PPARGC1A: variants seen among roughly 807,000 people sequenced by gnomAD.
PPARGC1A encodes PPARG coactivator 1 alpha.
PPARGC1A carries 25 observed loss-of-function variants against 88.7 expected under a neutral mutation model. The observed-to-expected ratio is 0.28, with a 90% CI of 0.21 to 0.39. The LOEUF (loss-of-function observed/expected upper bound fraction) is 0.39. Among genes scored for constraint, PPARGC1A ranks in the 10% least tolerant of loss-of-function variants. The pLI, the probability that PPARGC1A is intolerant of heterozygous loss-of-function variation, is 1.00. For missense variants in PPARGC1A, 880 were observed against 968.7 expected (o/e 0.91, Z 1.22); for synonymous variants, 363 against 355.6 (o/e 1.02, Z -0.24).
At chr4:24,322,544 A>T in the PPARGC1A span, among the ~76,000 whole-genome samples, 2 of 152,156 alleles carry the variant, frequency 1.3e-5, no homozygotes, top group African/African-American at 4.8e-5. Flanking sequence ...TGTGTATGTG[A>T]GTGTGTGTGT....
chr4:24,162,850 T>C, the PPARGC1A span, among the ~76,000 whole-genome samples: 1 of 151,980 alleles, frequency 6.6e-6, no homozygotes, highest in Non-Finnish European at 1.5e-5. Context: ...CAACTCGGCC[T>C]CCCAAAGTGC....
At chr4:24,228,471 A>C in the PPARGC1A span, among the ~76,000 whole-genome samples, 1 of 152,152 alleles carries the variant, frequency 6.6e-6, no homozygotes, top group African/African-American at 2.4e-5. Context: ...AGTTGGCAAC[A>C]ATGGACACTG....
At chr4:23,852,700 T>C (rs776275070) in intron 2 of PPARGC1A, among the ~76,000 whole-genome samples, 3 of 152,210 alleles carry the variant, frequency 2.0e-5, no homozygotes, top group Non-Finnish European at 4.4e-5. Flanking sequence ...GAAATATTGG[T>C]TAAGCACACC....
At chr4:23,879,067 A>C (rs1715383691) in intron 2 of PPARGC1A, among the ~76,000 whole-genome samples, 1 of 152,252 alleles carries the variant, frequency 6.6e-6, no homozygotes. Context: ...TATTGATTGC[A>C]AATTGGAAAT....
chr4:24,221,889 T>C, the PPARGC1A span, among the ~76,000 whole-genome samples: 1 of 152,204 alleles, frequency 6.6e-6, no homozygotes, highest in Non-Finnish European at 1.5e-5. Flanking sequence ...TCACTCAAAG[T>C]TCACCATTCC....
At chr4:23,846,731 C>T (rs1192723718) in intron 2 of PPARGC1A, among the ~76,000 whole-genome samples, 1 of 152,010 alleles carries the variant, frequency 6.6e-6, no homozygotes, top group African/African-American at 2.4e-5. Context: ...AAATTCCTGC[C>T]TTCAAGGAGC....
At chr4:24,466,983 A>G in the PPARGC1A span, among the ~76,000 whole-genome samples, 322 of 80,618 alleles carry the variant, frequency 4.0e-3, 6 homozygotes, top group Middle Eastern at 0.016. Context: ...AGAAAGAAAG[A>G]AAGGAGGGAG....
At chr4:24,330,929 G>T in the PPARGC1A span, among the ~76,000 whole-genome samples, 1 of 151,936 alleles carries the variant, frequency 6.6e-6, no homozygotes, top group Non-Finnish European at 1.5e-5. Context: ...CTTTCCTTCT[G>T]CCCATGTGCC....
intron 10 of PPARGC1A, among the ~76,000 whole-genome samples, chr4:23,804,402 T>C (rs1266054540): frequency 6.6e-6 from 1 of 152,216 alleles, no homozygotes; most frequent in Non-Finnish European, 1.5e-5. Flanking sequence ...TCCATTGTCC[T>C]AAGCCAAGCC....
the PPARGC1A span, among the ~76,000 whole-genome samples, chr4:24,257,945 T>C: frequency 6.6e-6 from 1 of 152,160 alleles, no homozygotes; most frequent in African/African-American, 2.4e-5. Flanking sequence ...TATACAGACA[T>C]ATTTAGTCCA....
the PPARGC1A span, among the ~76,000 whole-genome samples, chr4:24,426,154 G>A: frequency 6.6e-6 from 1 of 152,308 alleles, no homozygotes; most frequent in South Asian, 2.1e-4. Context: ...TCTTACAGAA[G>A]AAGGTAGAGA....
chr4:24,472,409 T>C, the PPARGC1A span, among the ~76,000 whole-genome samples: 1 of 151,556 alleles, frequency 6.6e-6, no homozygotes, highest in South Asian at 2.1e-4. This position sits in a 1 kb window ranked among gnomAD's most constrained non-coding sequence, Gnocchi z 4.5. Flanking sequence ...GGAGCCGTAG[T>C]TGTAAAAGAA....
chr4:23,953,093 A>G, the PPARGC1A span, among the ~76,000 whole-genome samples: 1 of 152,240 alleles, frequency 6.6e-6, no homozygotes, highest in African/African-American at 2.4e-5. Context: ...TTCTTTCTGA[A>G]AATAGTAAAT....
chr4:24,203,165 G>A, the PPARGC1A span, among the ~76,000 whole-genome samples: 2 of 152,172 alleles, frequency 1.3e-5, no homozygotes, highest in Admixed American at 1.3e-4. Context: ...GGAGTGTGAG[G>A]AAGCAAGGAA....
At chr4:24,172,747 G>T in the PPARGC1A span, among the ~76,000 whole-genome samples, 3 of 152,272 alleles carry the variant, frequency 2.0e-5, no homozygotes, top group Admixed American at 1.3e-4. Context: ...GAAATCAATA[G>T]GTAGGAAATC....
chr4:23,838,667 T>C (rs1321502570), intron 2 of PPARGC1A, among the ~76,000 whole-genome samples: 3 of 152,178 alleles, frequency 2.0e-5, no homozygotes, highest in Non-Finnish European at 4.4e-5. Flanking sequence ...TTTTGCCCTG[T>C]TGGATGCCAA....
chr4:24,092,689 C>G, the PPARGC1A span, among the ~76,000 whole-genome samples: 1 of 152,174 alleles, frequency 6.6e-6, no homozygotes, highest in African/African-American at 2.4e-5. Flanking sequence ...TGTACTGCTT[C>G]TTAATTCCAG....
At chr4:24,375,926 A>G in the PPARGC1A span, among the ~76,000 whole-genome samples, 1 of 152,120 alleles carries the variant, frequency 6.6e-6, no homozygotes, top group African/African-American at 2.4e-5. Context: ...GAACAGGCCC[A>G]CAGTGACTTG....
At chr4:24,075,583 G>A in the PPARGC1A span, among the ~76,000 whole-genome samples, 3 of 152,162 alleles carry the variant, frequency 2.0e-5, no homozygotes, top group Admixed American at 1.3e-4. Flanking sequence ...TAATTCCCAC[G>A]TGTCATGGGA....
Sources: gnomAD v4.1 joint callset for allele counts (sites outside exome capture counted in the v4.1 genomes callset) on GRCh38, gnomAD v4.1.1 for gene constraint, Gnocchi (gnomAD v3.1) non-coding constraint, MANE v1.5 for transcripts, NCBI Gene and HGNC (gene_info 2026-07-23, HGNC 2026-07-21) for gene names.